TPO: variants seen among roughly 807,000 people sequenced by gnomAD.
The protein encoded by TPO is thyroid microsomal antigen.
TPO carries 78 observed loss-of-function variants against 96.9 expected under a neutral mutation model. The ratio of observed to expected loss-of-function variants is 0.81; its 90% CI spans 0.67 to 0.97. The LOEUF (loss-of-function observed/expected upper bound fraction) is 0.97. TPO is among the 50% of genes least tolerant of loss of function. The pLI is 0.00. For synonymous variants in TPO, 547 were observed against 538.0 expected (o/e 1.02, Z -0.23); for missense variants, 1,252 against 1,274.8 (o/e 0.98, Z 0.27).
intron 15 of TPO, among the ~76,000 whole-genome samples, chr2:1,531,782 C>G (rs184488066): frequency 2.2e-4 from 7 of 31,750 alleles, no homozygotes; most frequent in African/African-American, 1.1e-3. Flanking sequence ...CCCCCACTCT[C>G]TGCAACCTCC....
intron 1 of TPO, among the ~76,000 whole-genome samples, chr2:1,381,080 G>A (rs2148343299): frequency 6.6e-6 from 1 of 152,266 alleles, no homozygotes; most frequent in East Asian, 1.9e-4. Context: ...ACCCATCAAG[G>A]TAATACCATT....
intron 13 of TPO, 78 bp from the exon 14 acceptor site, chr2:1,503,870 T>C: frequency 6.2e-7 from 1 of 1,612,326 alleles, no homozygotes; most frequent in Non-Finnish European, 8.5e-7. Flanking sequence ...GAGAAGCACC[T>C]CCCAGAACGG....
chr2:1,522,596 C>T (rs1329972668), intron 15 of TPO, among the ~76,000 whole-genome samples: 1 of 152,130 alleles, frequency 6.6e-6, no homozygotes, highest in Admixed American at 6.5e-5. Flanking sequence ...ATTCCCACTT[C>T]TTGGCTTTTA....
At chr2:1,517,948 C>A (rs931333889) in intron 15 of TPO, among the ~76,000 whole-genome samples, 354 of 152,130 alleles carry the variant, frequency 2.3e-3, no homozygotes, top group African/African-American at 7.5e-3. Context: ...GCTCCCCCCC[C>A]CAATATGCCC....
intron 3 of TPO, among the ~76,000 whole-genome samples, chr2:1,430,394 AAG>A (rs1664858422): frequency 6.6e-6 from 1 of 152,198 alleles, no homozygotes; most frequent in South Asian, 2.1e-4. Flanking sequence ...ATCCATGAAA[AAG>A]CCTAGTGCCC....
intron 2 of TPO, among the ~76,000 whole-genome samples, chr2:1,418,309 G>T (rs1169959081): frequency 6.6e-6 from 1 of 151,238 alleles, no homozygotes; most frequent in East Asian, 1.9e-4. Context: ...AAGAGAGAGA[G>T]AGAAAAAAAG....
Position 1,543,464 on chromosome 2 carries a change from G to A in TPO, c.*990G>A, listed in dbSNP as rs1280210017. The A allele has an allele frequency of 1.3e-5, 2 of 152,154 alleles. No individual in the cohort carries two copies. Among genetic ancestry groups the A allele is most frequent in the Admixed American group, 1.3e-4 (2 of 15,276 alleles). 9.4% of individuals were successfully genotyped at this position (152,154 alleles called of 1,614,324 possible). ...ACGAATGACAACAGTGGCACAGGAG[G>A]GCTATGAACATTTTGCTTCAGGATG... On this transcript the variant is annotated 3_prime_UTR_variant, in exon 17 of 17. Transcript: ENST00000329066.
chr2:1,513,750 T>C (rs1674402079), intron 14 of TPO: 1 of 152,222 alleles, frequency 6.6e-6, no homozygotes, highest in Non-Finnish European at 1.5e-5. Context: ...TGAACATAGA[T>C]ATAGATAACA....
At chr2:1,481,429 G>A (rs937826329) in intron 8 of TPO, among the ~76,000 whole-genome samples, 37 of 152,230 alleles carry the variant, frequency 2.4e-4, no homozygotes, top group African/African-American at 6.3e-4. Context: ...TCTATGCCCC[G>A]GCCATCAGAT....
chr2:1,487,611 C>T (rs1180498112), intron 9 of TPO, among the ~76,000 whole-genome samples: 1 of 152,132 alleles, frequency 6.6e-6, no homozygotes, highest in Non-Finnish European at 1.5e-5. Flanking sequence ...GTAGCGGGCG[C>T]CTGTAGTCCC....
chr2:1,404,037 A>G lies in TPO; in HGVS notation n.180+29635A>G, dbSNP rs77520163. On this transcript the variant is annotated intron_variant and non_coding_transcript_variant, in intron 1 of 5. Transcript: ENST00000497517. Reference sequence around the variant, plus strand: ...TATGCAATCTTGCGTGAACTTATGCATGGAGCGGAGAATCTAATGTACCCA... The same window carrying G: ...TATGCAATCTTGCGTGAACTTATGCGTGGAGCGGAGAATCTAATGTACCCA... 7.5e-3 allele frequency among the ~76,000 whole-genome samples: 1,149 copies of G among 152,336 alleles called. 13 individuals carry two copies. The highest frequency in any genetic ancestry group is 0.025 in the African/African-American group (1,053 of 41,574).
chr2:1,479,999 C>G (rs1283194589), intron 8 of TPO, among the ~76,000 whole-genome samples: 1 of 152,154 alleles, frequency 6.6e-6, no homozygotes, highest in Non-Finnish European at 1.5e-5. Flanking sequence ...CTAGGATGGT[C>G]TTGAACTCCT....
In TPO at chr2:1,537,540, A is replaced by AACT. The variant is rs148330276; in HGVS notation, c.2619-3054_2619-3053insACT. On this transcript the variant is annotated intron_variant, in intron 15 of 16. Transcript: ENST00000329066. ...TGTGCAACCTCCGCCTATCCCCCCCAGTGTGCAACCTCCTGAAATCCCCCA... is the reference window on the plus strand; with the variant it reads ...TGTGCAACCTCCGCCTATCCCCCCCAACTGTGTGCAACCTCCTGAAATCCCCCA... Among the ~76,000 whole-genome samples the AACT allele has an allele frequency of 5.9e-3, 131 of 22,118 alleles. 1 individual carries two copies. The highest frequency in any genetic ancestry group is 0.022 in the African/African-American group (90 of 4,122). 14.5% of individuals were successfully genotyped at this position (22,118 alleles called of 152,430 possible).
rs547339082 is a variant in TPO at position 1,503,955 on chromosome 2, C to A, written c.2394C>A (p.Asn798Lys). ...GCCTTGTGTGTCTGGCAGATGTGAA[C>A]GAGTGTGCAGACGGTGCCCACCCCC... Reference protein sequence around the residue: ...DFQPPLCKDVNECADGAHPPC... With the variant: ...DFQPPLCKDVKECADGAHPPC... The change falls in exon 14 of 17, where the codon AAC (asparagine) becomes AAA (lysine). Residue 798 changes from asparagine (N) to lysine (K), a missense_variant. Transcript: ENST00000329066. The A allele has an allele frequency of 1.2e-6, 2 of 1,614,004 alleles. No individual in the cohort carries two copies. The highest frequency in any genetic ancestry group is 1.7e-6 in the Non-Finnish European group (2 of 1,180,042).
At chr2:1,521,882 C>G (rs1356518645) in intron 15 of TPO, among the ~76,000 whole-genome samples, 1 of 152,026 alleles carries the variant, frequency 6.6e-6, no homozygotes, top group Non-Finnish European at 1.5e-5. Context: ...CCTCCCACCC[C>G]AGTCCCCCCG....
chr2:1,459,986 A>T (rs1222500771), intron 7 of TPO, among the ~76,000 whole-genome samples: 1 of 147,190 alleles, frequency 6.8e-6, no homozygotes, highest in Non-Finnish European at 1.5e-5. Context: ...CCCAGGCTGG[A>T]GTGTAGTGGC....
intron 5 of TPO, among the ~76,000 whole-genome samples, chr2:1,438,038 G>A (rs1426073019): frequency 6.6e-6 from 1 of 152,048 alleles, no homozygotes; most frequent in Non-Finnish European, 1.5e-5. Flanking sequence ...TGGGGCTGGA[G>A]GGCCTGGGTG....
chr2:1,534,511 T>A (rs1679092746), intron 15 of TPO, among the ~76,000 whole-genome samples: 1 of 58,808 alleles, frequency 1.7e-5, no homozygotes, highest in Non-Finnish European at 3.6e-5. Flanking sequence ...GTGTGCAACT[T>A]CCCCAAATCC....
At chr2:1,485,218 T>C (rs933839368) in intron 9 of TPO, among the ~76,000 whole-genome samples, 1 of 152,210 alleles carries the variant, frequency 6.6e-6, no homozygotes, top group African/African-American at 2.4e-5. Context: ...TCCATGTCCC[T>C]GAAAAGGACA....
Sources: gnomAD v4.1 joint callset for allele counts (sites outside exome capture counted in the v4.1 genomes callset) on GRCh38, gnomAD v4.1.1 for gene constraint, MANE v1.5 for transcripts, NCBI Gene and HGNC (gene_info 2026-07-23, HGNC 2026-07-21) for gene names.